Variants in PCDH7 observed in about 807,000 individuals in gnomAD.
PCDH7 encodes the protein protocadherin 7.
A neutral mutation model predicts 58.9 loss-of-function variants in PCDH7; 17 were observed. That is an observed-to-expected ratio of 0.29 (90% CI 0.20 to 0.43). The LOEUF (loss-of-function observed/expected upper bound fraction) is 0.43, where lower values mean the gene tolerates loss of function less well. Ranked by LOEUF, PCDH7 falls within the 20% of genes least tolerant of loss-of-function variation. PCDH7 has a pLI of 1.00. For synonymous variants in PCDH7, 664 were observed against 616.4 expected (o/e 1.08, Z -1.14); for missense variants, 1,274 against 1,441.0 (o/e 0.88, Z 1.88).
At chr4:31,020,046 A>AGATCCATG (rs1753906663) in intron 3 of PCDH7, among the ~76,000 whole-genome samples, 1 of 152,220 alleles carries the variant, frequency 6.6e-6, no homozygotes, top group African/African-American at 2.4e-5. Flanking sequence ...AGGAAAAAAT[A>AGATCCATG]GAAAAGTAAA....
chr4:30,858,060 T>C (rs1733714043), intron 1 of PCDH7, among the ~76,000 whole-genome samples: 2 of 152,154 alleles, frequency 1.3e-5, no homozygotes, highest in African/African-American at 4.8e-5. Flanking sequence ...TATATCCAAG[T>C]ATATCTCTGT....
At chr4:30,763,190 C>T (rs1372904815) in intron 1 of PCDH7, among the ~76,000 whole-genome samples, 1 of 152,114 alleles carries the variant, frequency 6.6e-6, no homozygotes, top group East Asian at 1.9e-4. Flanking sequence ...ACATTGCACT[C>T]CGGCCTGGGG....
chr4:30,917,832 T>G (rs1742675452), intron 1 of PCDH7, among the ~76,000 whole-genome samples: 1 of 152,160 alleles, frequency 6.6e-6, no homozygotes, highest in South Asian at 2.1e-4. Flanking sequence ...CTATCCACTT[T>G]TTGTGGAATA....
At chr4:30,741,006 T>G (rs1448580850) in intron 1 of PCDH7, among the ~76,000 whole-genome samples, 2 of 152,160 alleles carry the variant, frequency 1.3e-5, no homozygotes. Context: ...TGTGACATTG[T>G]GTTCTTCATG....
intron 1 of PCDH7, among the ~76,000 whole-genome samples, chr4:30,872,163 C>A (rs1485380435): frequency 6.6e-6 from 1 of 151,958 alleles, no homozygotes; most frequent in Non-Finnish European, 1.5e-5. Flanking sequence ...TTTTTAAGTT[C>A]CTTACCAATT....
intron 1 of PCDH7, among the ~76,000 whole-genome samples, chr4:30,886,992 AG>A (rs1430804004): frequency 1.9e-5 from 1 of 52,090 alleles, no homozygotes; most frequent in Non-Finnish European, 3.4e-5. Context: ...GGGTGGGGGG[AG>A]GGGGGAGGGA....
At chr4:31,122,857 G>C (rs1717857317) in intron 3 of PCDH7, among the ~76,000 whole-genome samples, 2 of 151,684 alleles carry the variant, frequency 1.3e-5, no homozygotes, top group Admixed American at 1.3e-4. Flanking sequence ...AGATGACAGA[G>C]TACTAATTAT....
intron 1 of PCDH7, among the ~76,000 whole-genome samples, chr4:30,802,078 T>G (rs1429867721): frequency 6.6e-6 from 1 of 152,128 alleles, no homozygotes; most frequent in African/African-American, 2.4e-5. Context: ...TATGTTAAAA[T>G]TGTATTGTGT....
intron 1 of PCDH7, among the ~76,000 whole-genome samples, chr4:30,729,139 A>C (rs1346460884): frequency 6.6e-6 from 1 of 151,944 alleles, no homozygotes; most frequent in Non-Finnish European, 1.5e-5. Flanking sequence ...TTGGGATTAC[A>C]AAATTGTCAG....
downstream of PCDH7, chr4:31,145,585 C>G (rs1720622578): frequency 6.6e-6 from 1 of 151,928 alleles, no homozygotes; most frequent in African/African-American, 2.4e-5. Flanking sequence ...ATGGGCTATT[C>G]CCAACTTTTT....
At position 30,841,793 on chromosome 4, in the gene PCDH7, G is replaced by T. The variant is rs567357834; in HGVS notation, c.71-78360G>T. 1.2e-3 allele frequency among the ~76,000 whole-genome samples: 184 copies of T among 152,098 alleles called. No homozygotes were observed. In the Middle Eastern group the frequency reaches 0.014, roughly 11 times the overall value. On this transcript the variant is annotated intron_variant, in intron 1 of 3. Coordinates refer to the PCDH7 transcript ENST00000509759. ...TCTTTGTCTCCTTATAATTTCCAGT[G>T]CATCTTGGCTAATATCTGGGGATAG...
chr4:30,810,484 T>C (rs1367609161), intron 1 of PCDH7, among the ~76,000 whole-genome samples: 6 of 152,036 alleles, frequency 3.9e-5, no homozygotes, highest in Admixed American at 3.9e-4. Flanking sequence ...ATAAATTTCT[T>C]CATCATAATA....
At chr4:30,971,449 C>T (rs555229864) in intron 3 of PCDH7, among the ~76,000 whole-genome samples, 16 of 152,208 alleles carry the variant, frequency 1.1e-4, no homozygotes, top group Non-Finnish European at 1.8e-4. Context: ...AATGCTGGCT[C>T]AATAATTCTG....
chr4:31,146,112 T>G (rs572865718), downstream of PCDH7: 1 of 152,158 alleles, frequency 6.6e-6, no homozygotes, highest in African/African-American at 2.4e-5. Context: ...TGCCTGAGTT[T>G]CAGAAAACAA....
intron 3 of PCDH7, among the ~76,000 whole-genome samples, chr4:31,138,012 G>A (rs1469860240): frequency 6.6e-6 from 1 of 152,110 alleles, no homozygotes; most frequent in Non-Finnish European, 1.5e-5. Context: ...GTGCAGAACT[G>A]TCTTCAAGTC....
intron 3 of PCDH7, among the ~76,000 whole-genome samples, chr4:31,088,712 T>C (rs1026432296): frequency 6.6e-6 from 1 of 152,026 alleles, no homozygotes; most frequent in African/African-American, 2.4e-5. Context: ...GTATTTGTTT[T>C]TTTAAAAATG....
chr4:30,945,411 A>C (rs940489431), intron 2 of PCDH7, among the ~76,000 whole-genome samples: 4 of 152,108 alleles, frequency 2.6e-5, no homozygotes, highest in Admixed American at 2.0e-4. Flanking sequence ...AATTTTACTC[A>C]GTTGATTTTT....
intron 1 of PCDH7, among the ~76,000 whole-genome samples, chr4:30,890,416 T>G (rs1323621009): frequency 2.1e-5 from 3 of 145,340 alleles, no homozygotes; most frequent in African/African-American, 7.8e-5. Context: ...AGTACATCAT[T>G]TTTAATGCAC....
At chr4:30,952,144 A>G (rs185011262) in intron 3 of PCDH7, among the ~76,000 whole-genome samples, 4 of 152,272 alleles carry the variant, frequency 2.6e-5, no homozygotes, top group African/African-American at 9.6e-5. Context: ...TTTTCCTAAA[A>G]TAATTTAGGA....
Sources: allele counts gnomAD v4.1 joint callset (sites outside exome capture counted in the v4.1 genomes callset), GRCh38; gene constraint gnomAD v4.1.1; transcripts MANE v1.5; gene names NCBI Gene and HGNC (gene_info 2026-07-23, HGNC 2026-07-21).